CRADD: variants seen among roughly 807,000 people sequenced by gnomAD.
The protein encoded by CRADD is CARD and death domain containing adaptor protein, also known as death domain-containing protein CRADD.
In CRADD, 9 loss-of-function variants were observed where a neutral mutation model predicts 15.5. The observed-to-expected ratio is 0.58, with a 90% CI of 0.35 to 1.01. The LOEUF (loss-of-function observed/expected upper bound fraction) is 1.01, where lower values mean the gene tolerates loss of function less well. Ranked by LOEUF, CRADD falls within the 50% of genes least tolerant of loss-of-function variation. The pLI is 0.02. For missense variants in CRADD, 227 were observed against 250.3 expected, an observed-to-expected ratio of 0.91 and a Z score of 0.63; for synonymous variants, 118 against 107.6, an observed-to-expected ratio of 1.10 and a Z score of -0.60.
intron 2 of CRADD, among the ~76,000 whole-genome samples, chr12:93,748,554 G>A (rs201064444): frequency 2.4e-4 from 36 of 152,262 alleles, no homozygotes; most frequent in East Asian, 1.7e-3. Context: ...TGATCCTCCC[G>A]CCTCGGCCTC....
At chr12:93,744,373 G>T (rs565667103) in intron 2 of CRADD, among the ~76,000 whole-genome samples, 18 of 152,304 alleles carry the variant, frequency 1.2e-4, no homozygotes, top group Non-Finnish European at 2.2e-4. Context: ...ATCTTCAAAG[G>T]CAGCCACAGT....
chr12:93,708,581 G>A (rs1343765761), intron 2 of CRADD: 1 of 152,172 alleles, frequency 6.6e-6, no homozygotes, highest in East Asian at 1.9e-4. Flanking sequence ...TCAGATCTCT[G>A]GTCAACTGTG....
chr12:93,744,991 T>C (rs555676869), intron 2 of CRADD, among the ~76,000 whole-genome samples: 1 of 152,244 alleles, frequency 6.6e-6, no homozygotes, highest in Non-Finnish European at 1.5e-5. Flanking sequence ...TTTTGGTATA[T>C]TCAAATATAA....
chr12:93,886,162 C>CTTTTTTTTT (rs761719331), intron 2 of CRADD, among the ~76,000 whole-genome samples: 2 of 123,948 alleles, frequency 1.6e-5, no homozygotes. Context: ...GCTGCTGATG[C>CTTTTTTTTT]TTTTTTTTTT....
intron 2 of CRADD, among the ~76,000 whole-genome samples, chr12:93,818,170 G>A (rs540888181): frequency 6.6e-6 from 1 of 152,312 alleles, no homozygotes; most frequent in Non-Finnish European, 1.5e-5. Context: ...ATGCATGCTT[G>A]CAGGTCAGCA....
intron 2 of CRADD, among the ~76,000 whole-genome samples, chr12:93,831,553 A>G (rs547708737): frequency 6.6e-6 from 1 of 152,204 alleles, no homozygotes; most frequent in Non-Finnish European, 1.5e-5. Context: ...TGCACGGGGA[A>G]TGCAGCTGCT....
chr12:93,870,148 C>A (rs1958406071), intron 2 of CRADD, among the ~76,000 whole-genome samples: 1 of 152,144 alleles, frequency 6.6e-6, no homozygotes, highest in African/African-American at 2.4e-5. Context: ...CCCAGGCCCT[C>A]TCCCAAGCAA....
At position 93,850,633 on chromosome 12, in the gene CRADD, G is replaced by A; in HGVS notation, c.*362G>A. Reference sequence around the variant, plus strand: ...TCTCATGTCATCACATTACAGGCAGGTGTCTCATATGTAAAACATTTACCT... The same window carrying A: ...TCTCATGTCATCACATTACAGGCAGATGTCTCATATGTAAAACATTTACCT... On this transcript the variant is annotated 3_prime_UTR_variant, in exon 3 of 3. Transcript: ENST00000332896. The surrounding 1 kb of genome is among the most constrained non-coding windows in gnomAD (Gnocchi z 4.0). The A allele has an allele frequency of 2.1e-6, 2 of 941,870 alleles. No individual in the cohort carries two copies. Among genetic ancestry groups the A allele is most frequent in the South Asian group, 4.9e-5 (1 of 20,358 alleles). 58.3% of individuals were successfully genotyped at this position (941,870 alleles called of 1,614,324 possible). A position where few individuals can be genotyped will look rare whatever the true frequency, so the allele number is the denominator to read the frequency against.
At chr12:93,777,920 C>T (rs535018801) in intron 2 of CRADD, among the ~76,000 whole-genome samples, 4 of 152,204 alleles carry the variant, frequency 2.6e-5, no homozygotes, top group African/African-American at 7.2e-5. Context: ...CCATGACCTC[C>T]GAATCTTCTT....
chr12:93,710,833 GTCC>G lies in CRADD; in HGVS notation c.298+31767_298+31769del, dbSNP rs141973262. On this transcript the variant is annotated intron_variant, in intron 2 of 2. Coordinates refer to ENST00000332896, the MANE Select transcript of CRADD (RefSeq NM_003805.5). ...TGATTAGTGGTGAAGTTTGCTGACA[GTCC>G]TCCTCAGTATGCTTAGATATTTGTT... 1.0e-3 allele frequency among the ~76,000 whole-genome samples: 159 copies of G among 152,236 alleles called. 1 individual carries two copies. Among genetic ancestry groups the G allele is most frequent in the African/African-American group, 3.8e-3 (156 of 41,542 alleles).
At chr12:93,737,218 C>T (rs1402080258) in intron 2 of CRADD, among the ~76,000 whole-genome samples, 1 of 152,140 alleles carries the variant, frequency 6.6e-6, no homozygotes, top group East Asian at 1.9e-4. Context: ...TGTCCAAGTA[C>T]TTAGATATTA....
intron 2 of CRADD, among the ~76,000 whole-genome samples, chr12:93,780,575 G>A (rs1392136481): frequency 6.6e-6 from 1 of 152,158 alleles, no homozygotes; most frequent in Non-Finnish European, 1.5e-5. Context: ...GTCACATCTA[G>A]TGTTTTCAAC....
At chr12:93,761,795 A>G (rs1364253268) in intron 2 of CRADD, among the ~76,000 whole-genome samples, 1 of 152,242 alleles carries the variant, frequency 6.6e-6, no homozygotes, top group East Asian at 1.9e-4. Context: ...AGGAATAGAG[A>G]GAAAATTCTC....
At chr12:93,748,253 G>A (rs1956786347) in intron 2 of CRADD, among the ~76,000 whole-genome samples, 1 of 152,166 alleles carries the variant, frequency 6.6e-6, no homozygotes, top group Non-Finnish European at 1.5e-5. Context: ...TGAGAAGCAG[G>A]GAGCCACAGT....
At chr12:93,753,848 T>A (rs1956858532) in intron 2 of CRADD, among the ~76,000 whole-genome samples, 1 of 152,174 alleles carries the variant, frequency 6.6e-6, no homozygotes, top group African/African-American at 2.4e-5. Flanking sequence ...TCCAGGTGCA[T>A]GGTTCAAGCT....
chr12:93,727,769 C>T (rs936305705), intron 2 of CRADD, among the ~76,000 whole-genome samples: 1 of 152,150 alleles, frequency 6.6e-6, no homozygotes, highest in Non-Finnish European at 1.5e-5. Flanking sequence ...GATTTGCTGC[C>T]ATGCTGTGAC....
intron 2 of CRADD, among the ~76,000 whole-genome samples, chr12:93,878,794 C>T (rs143831514): frequency 7.4e-4 from 113 of 152,262 alleles, no homozygotes; most frequent in African/African-American, 2.6e-3. Flanking sequence ...AGGGTGGCAT[C>T]GGCAATTCAA....
intron 2 of CRADD, among the ~76,000 whole-genome samples, chr12:93,892,499 G>A (rs1050858644): frequency 8.5e-5 from 13 of 152,182 alleles, no homozygotes; most frequent in African/African-American, 2.9e-4. Context: ...CCACAGTGCC[G>A]AGTCTGCCTG....
chr12:93,714,688 T>A (rs1164011159), intron 2 of CRADD: 1 of 152,240 alleles, frequency 6.6e-6, no homozygotes, highest in Non-Finnish European at 1.5e-5. Context: ...AGCAAGGCAG[T>A]CACAGCTACC....
Sources: gnomAD v4.1 joint callset for allele counts (sites outside exome capture counted in the v4.1 genomes callset) on GRCh38, gnomAD v4.1.1 for gene constraint, Gnocchi (gnomAD v3.1) non-coding constraint, MANE v1.5 for transcripts, NCBI Gene and HGNC (gene_info 2026-07-23, HGNC 2026-07-21) for gene names.